MRPL42: variants seen among roughly 807,000 people sequenced by gnomAD.
The protein encoded by MRPL42 is large ribosomal subunit protein mL42.
In MRPL42, 17 loss-of-function variants were observed where a neutral mutation model predicts 17.9. That is an observed-to-expected ratio of 0.95 (90% CI 0.65 to 1.42). MRPL42 has a LOEUF of 1.42. Ranked by LOEUF, MRPL42 falls within the 40% of genes most tolerant of loss-of-function variation. MRPL42 has a pLI of 0.00. For missense variants in MRPL42, 177 were observed against 175.2 expected, an observed-to-expected ratio of 1.01 and a Z score of -0.06; for synonymous variants, 59 against 54.4, an observed-to-expected ratio of 1.08 and a Z score of -0.37.
chr12:93,495,251 C>T (rs979585837), intron 5 of MRPL42, among the ~76,000 whole-genome samples: 3 of 152,096 alleles, frequency 2.0e-5, no homozygotes, highest in Admixed American at 1.3e-4. Flanking sequence ...AATAATATTG[C>T]TCAAATGATG....
chr12:93,469,377 G>A, intron 2 of MRPL42, 22 bp downstream of exon 2: 1 of 1,539,398 alleles, frequency 6.5e-7, no homozygotes, highest in Admixed American at 1.9e-5. Context: ...TTTTTTTAAT[G>A]TTTAAAAACT....
chr12:93,480,104 C>T (rs1880385194), intron 4 of MRPL42, among the ~76,000 whole-genome samples: 1 of 151,934 alleles, frequency 6.6e-6, no homozygotes, highest in African/African-American at 2.4e-5. Flanking sequence ...CTTTAAGCCT[C>T]CTTCTACTAG....
rs1953715532 is a variant in MRPL42 at position 93,510,455 on chromosome 12, A to T, written c.*9234A>T. The T allele has an allele frequency of 6.6e-6, 1 of 152,200 alleles. No homozygotes were observed. The highest frequency in any genetic ancestry group is 2.4e-5 in the African/African-American group (1 of 41,442). 9.4% of individuals were successfully genotyped at this position (152,200 alleles called of 1,614,324 possible). On this transcript the variant is annotated 3_prime_UTR_variant, in exon 6 of 6. Transcript: ENST00000549982. ...TTTAAGCTTTCAACTCCTTTGGGTA[A>T]ATACCAAAGAGCACAATTGTTGGAT...
chr12:93,512,857 A>C lies in MRPL42; in HGVS notation c.*11636A>C, dbSNP rs1953737247. Reference sequence around the variant, plus strand: ...TGTCATCAAAAGAGGATTTAAATTTAATTGTAAGCTTATATGATACATTGT... The same window carrying C: ...TGTCATCAAAAGAGGATTTAAATTTCATTGTAAGCTTATATGATACATTGT... On this transcript the variant is annotated 3_prime_UTR_variant, in exon 6 of 6. Transcript: ENST00000549982. The C allele has an allele frequency of 6.6e-6, 1 of 152,256 alleles. No homozygotes were observed. Among genetic ancestry groups the C allele is most frequent in the Non-Finnish European group, 1.5e-5 (1 of 68,050 alleles). 9.4% of individuals were successfully genotyped at this position (152,256 alleles called of 1,614,324 possible).
At position 93,477,169 on chromosome 12, in the gene MRPL42, C is replaced by T. The variant is rs74839392; in HGVS notation, c.134+152C>T. 1,707 of 587,034 alleles carry T rather than the reference C, an allele frequency of 2.9e-3. 23 individuals are homozygous for T. In the African/African-American group the frequency reaches 0.031, roughly 11 times the overall value. 36.4% of individuals were successfully genotyped at this position (587,034 alleles called of 1,614,324 possible). A position where few individuals can be genotyped will look rare whatever the true frequency, so the allele number is the denominator to read the frequency against. On this transcript the variant is annotated intron_variant, in intron 3 of 5. Transcript: ENST00000549982. ...AAATTATTTTAATGATTTTATTTAC[C>T]CAGTATCTGGGCTTATAAACATTTT... is the stretch of plus-strand genomic sequence containing the variant.
rs540539712 is a variant in MRPL42, at chr12:93,479,525, C to T, written c.219+53C>T. On this transcript the variant is annotated intron_variant, in intron 4 of 5. Transcript: ENST00000549982. ...TTTAATTTGCTGTTAGAAATGTTTGCACTTCTTTATAGTATCCAAAAAGAA... is the reference window on the plus strand; with the variant it reads ...TTTAATTTGCTGTTAGAAATGTTTGTACTTCTTTATAGTATCCAAAAAGAA... 9 of 1,271,776 alleles carry T rather than the reference C, an allele frequency of 7.1e-6. No individual in the cohort carries two copies. In the Admixed American group the frequency reaches 1.4e-4, roughly 20 times the overall value. 78.8% of individuals were successfully genotyped at this position (1,271,776 alleles called of 1,614,324 possible).
intron 2 of MRPL42, among the ~76,000 whole-genome samples, chr12:93,475,912 C>A (rs938731696): frequency 6.6e-6 from 1 of 151,774 alleles, no homozygotes; most frequent in Non-Finnish European, 1.5e-5. Flanking sequence ...ACCTGGGAGG[C>A]GGAGCTTGCA....
chr12:93,481,439 C>T (rs1335968629), intron 4 of MRPL42, among the ~76,000 whole-genome samples: 2 of 152,332 alleles, frequency 1.3e-5, no homozygotes, highest in African/African-American at 2.4e-5. Context: ...CTAACAATTT[C>T]TAGCTTTGTA....
chr12:93,470,630 T>G (rs1022980063), intron 2 of MRPL42: 5 of 1,061,724 alleles, frequency 4.7e-6, no homozygotes, highest in Non-Finnish European at 6.1e-6. Context: ...CCATTCTGTT[T>G]TGAGTCCCCA....
At chr12:93,481,867 G>T (rs1435059483) in intron 4 of MRPL42, among the ~76,000 whole-genome samples, 1 of 151,998 alleles carries the variant, frequency 6.6e-6, no homozygotes, top group Non-Finnish European at 1.5e-5. Flanking sequence ...CTTTTTCACA[G>T]TCCCTCATGT....
Position 93,504,960 on chromosome 12 carries a change from G to A in MRPL42, c.*3739G>A, listed in dbSNP as rs1403518285. ...ATTGCTTCACAGGCATCTGAATATGGTTTTATAAAATACATTGCTCTAGTG... is the reference window on the plus strand; with the variant it reads ...ATTGCTTCACAGGCATCTGAATATGATTTTATAAAATACATTGCTCTAGTG... On this transcript the variant is annotated 3_prime_UTR_variant, in exon 6 of 6. Transcript: ENST00000549982. 2 of 152,144 alleles carry A rather than the reference G, an allele frequency of 1.3e-5. No individual in the cohort carries two copies. The highest frequency in any genetic ancestry group is 2.9e-5 in the Non-Finnish European group (2 of 68,024). The allele number at this position is 152,144 out of a possible 1,614,324, so 9.4% of individuals were successfully genotyped here. A position where few individuals can be genotyped will look rare whatever the true frequency, so the allele number is the denominator to read the frequency against.
chr12:93,480,996 T>C (rs571802156), intron 4 of MRPL42, among the ~76,000 whole-genome samples: 5 of 152,348 alleles, frequency 3.3e-5, no homozygotes, highest in Admixed American at 2.0e-4. Flanking sequence ...AGTTTTGGCC[T>C]ATAAACCCTC....
At chr12:93,483,852 T>C (rs1880581950) in intron 4 of MRPL42, among the ~76,000 whole-genome samples, 1 of 152,238 alleles carries the variant, frequency 6.6e-6, no homozygotes, top group South Asian at 2.1e-4. Context: ...TAAAATATCG[T>C]GTACAGCTAT....
chr12:93,482,970 C>G (rs911960392), intron 4 of MRPL42, among the ~76,000 whole-genome samples: 1 of 151,900 alleles, frequency 6.6e-6, no homozygotes, highest in Non-Finnish European at 1.5e-5. Flanking sequence ...TGTCTCATTG[C>G]AACCTCCATG....
At chr12:93,489,732 C>T (rs892007358) in intron 5 of MRPL42, among the ~76,000 whole-genome samples, 4 of 152,140 alleles carry the variant, frequency 2.6e-5, no homozygotes, top group Admixed American at 6.5e-5. Context: ...GACAAGGTTT[C>T]GCCATGTTGG....
At chr12:93,483,262 A>C (rs537101722) in intron 4 of MRPL42, among the ~76,000 whole-genome samples, 2 of 152,214 alleles carry the variant, frequency 1.3e-5, no homozygotes, top group Admixed American at 1.3e-4. Context: ...TATCTTTGTT[A>C]CTTTGCATTT....
At position 93,476,967 on chromosome 12, in the gene MRPL42, T is replaced by A. The variant is rs1278706997; in HGVS notation, c.84T>A (p.Tyr28Ter). 1 of 1,609,566 alleles carries A rather than the reference T, an allele frequency of 6.2e-7. No homozygotes were observed. Among genetic ancestry groups the A allele is most frequent in the Non-Finnish European group, 8.5e-7 (1 of 1,176,966 alleles). The change falls in exon 3 of 6, where the codon TAT (tyrosine) becomes TAA (stop). Residue 28 changes from tyrosine to a stop codon, truncating the protein, a stop_gained. Transcript: ENST00000549982. LOFTEE classifies it high-confidence loss of function. ...GGGTTTTTGCAGATGGAGCTTTATA[T>A]TGTGTTTGTCATAAATCTACGTATT... is the stretch of plus-strand genomic sequence containing the variant. ...HLFPVQNGAL[Y>*]CVCHKSTYSP...
At chr12:93,488,974 C>T (rs934711018) in intron 5 of MRPL42, among the ~76,000 whole-genome samples, 4 of 151,904 alleles carry the variant, frequency 2.6e-5, no homozygotes, top group Admixed American at 2.6e-4. Context: ...TACAGGCACA[C>T]TCTGCCACGC....
intron 4 of MRPL42, 101 bp downstream of exon 4, chr12:93,479,573 T>A: frequency 1.6e-6 from 1 of 606,636 alleles, no homozygotes. Flanking sequence ...ATTTTCTTTG[T>A]TTTAGATTTT....
Sources: gnomAD v4.1 joint callset for allele counts (sites outside exome capture counted in the v4.1 genomes callset) on GRCh38, gnomAD v4.1.1 for gene constraint, MANE v1.5 for transcripts, NCBI Gene and HGNC (gene_info 2026-07-23, HGNC 2026-07-21) for gene names.